Variants in MAPKAP1 observed in about 807,000 individuals in gnomAD.
MAPKAP1 encodes the protein target of rapamycin complex 2 subunit MAPKAP1.
MAPKAP1 carries 20 observed loss-of-function variants against 65.7 expected under a neutral mutation model. That is an observed-to-expected ratio of 0.30 (90% confidence interval 0.21 to 0.44). The LOEUF is 0.44. MAPKAP1 is among the 20% of genes least tolerant of loss of function. The pLI is 1.00. For missense variants in MAPKAP1, 423 were observed against 648.0 expected, an observed-to-expected ratio of 0.65 and a Z score of 3.77; for synonymous variants, 222 against 244.3, an observed-to-expected ratio of 0.91 and a Z score of 0.85.
intron 4 of MAPKAP1, 64 bp from the exon 5 acceptor site, chr9:125,585,791 C>G: frequency 2.0e-6 from 3 of 1,502,016 alleles, no homozygotes; most frequent in Non-Finnish European, 2.8e-6. Context: ...CCACTGCTCT[C>G]CAGGCCTGTG....
chr9:125,444,400 T>C, intron 11 of MAPKAP1, 101 bp downstream of exon 11: 2 of 914,518 alleles, frequency 2.2e-6, no homozygotes, highest in Non-Finnish European at 3.4e-6. Flanking sequence ...GGGAACCTTC[T>C]ATAGAGCTGC....
chr9:125,691,909 T>C (rs1486910204), intron 1 of MAPKAP1, among the ~76,000 whole-genome samples: 1 of 152,212 alleles, frequency 6.6e-6, no homozygotes. Context: ...AGAATGAACC[T>C]GGCTGAACAG....
chr9:125,543,528 G>A (rs543657790), intron 6 of MAPKAP1, among the ~76,000 whole-genome samples: 4 of 151,750 alleles, frequency 2.6e-5, no homozygotes, highest in Non-Finnish European at 5.9e-5. Context: ...TGCCCGCCTC[G>A]GCCTCCCAAA....
At chr9:125,568,342 T>G (rs1831123865) in intron 5 of MAPKAP1, among the ~76,000 whole-genome samples, 1 of 152,130 alleles carries the variant, frequency 6.6e-6, no homozygotes, top group Non-Finnish European at 1.5e-5. Flanking sequence ...TCGTGGGATA[T>G]GAGGAGTTTT....
At chr9:125,611,563 T>C (rs1488931466) in intron 4 of MAPKAP1, among the ~76,000 whole-genome samples, 1 of 152,146 alleles carries the variant, frequency 6.6e-6, no homozygotes, top group Non-Finnish European at 1.5e-5. Context: ...GACACTAATA[T>C]GCAGATTCAG....
chr9:125,654,278 G>C (rs1833970769), intron 4 of MAPKAP1, among the ~76,000 whole-genome samples: 1 of 152,168 alleles, frequency 6.6e-6, no homozygotes, highest in African/African-American at 2.4e-5. Context: ...CTCTAGAATA[G>C]AGGTTTTGTG....
At chr9:125,596,218 A>T in intron 4 of MAPKAP1, 1 of 766,996 alleles carries the variant, frequency 1.3e-6, no homozygotes, top group South Asian at 1.3e-5. Flanking sequence ...TCAAAGCAAG[A>T]GATGGCTAAT....
chr9:125,617,179 G>C (rs1832770505), intron 4 of MAPKAP1, among the ~76,000 whole-genome samples: 1 of 152,208 alleles, frequency 6.6e-6, no homozygotes, highest in African/African-American at 2.4e-5. Context: ...AATGTTTGTA[G>C]ATCGGGCACA....
intron 8 of MAPKAP1, among the ~76,000 whole-genome samples, chr9:125,500,676 G>C (rs1363445500): frequency 6.6e-6 from 1 of 152,150 alleles, no homozygotes; most frequent in Non-Finnish European, 1.5e-5. Context: ...GGGGAATTAG[G>C]GGATGGAAGA....
intron 7 of MAPKAP1, among the ~76,000 whole-genome samples, chr9:125,540,965 G>A (rs984863237): frequency 2.5e-4 from 38 of 152,136 alleles, no homozygotes; most frequent in Admixed American, 2.5e-3. Flanking sequence ...TACCAAACTG[G>A]AGATCCTTCT....
At chr9:125,485,812 G>C (rs1463294915) in intron 8 of MAPKAP1, among the ~76,000 whole-genome samples, 5 of 152,160 alleles carry the variant, frequency 3.3e-5, no homozygotes, top group Non-Finnish European at 7.3e-5. Context: ...TCCTAGCTCT[G>C]CCTCTAATTT....
At chr9:125,689,520 GCAGGT>G (rs1402481597) in intron 1 of MAPKAP1, among the ~76,000 whole-genome samples, 1 of 150,220 alleles carries the variant, frequency 6.7e-6, no homozygotes, top group Non-Finnish European at 1.5e-5. Flanking sequence ...GCTTAAGGAG[GCAGGT>G]CACCTGAGGT....
At chr9:125,551,068 G>A (rs1236807384) in intron 6 of MAPKAP1, among the ~76,000 whole-genome samples, 1 of 151,898 alleles carries the variant, frequency 6.6e-6, no homozygotes, top group Non-Finnish European at 1.5e-5. Flanking sequence ...GATGGGGTGT[G>A]GCCAATTTTA....
At chr9:125,515,080 T>G (rs940420346) in intron 7 of MAPKAP1, among the ~76,000 whole-genome samples, 4 of 152,060 alleles carry the variant, frequency 2.6e-5, no homozygotes, top group Non-Finnish European at 5.9e-5. Flanking sequence ...TCAGATTGGA[T>G]AGTTTGGAAT....
At chr9:125,650,176 C>A (rs1222672144) in intron 4 of MAPKAP1, among the ~76,000 whole-genome samples, 2 of 152,186 alleles carry the variant, frequency 1.3e-5, no homozygotes, top group African/African-American at 4.8e-5. Context: ...ACTCTCTCAC[C>A]CAGAGCACTG....
At chr9:125,484,319 T>C (rs1297090446) in intron 9 of MAPKAP1, 124 bp downstream of exon 9, 3 of 1,036,072 alleles carry the variant, frequency 2.9e-6, no homozygotes, top group Non-Finnish European at 4.0e-6. Context: ...GTTTAAACAT[T>C]TTCTCAGAAA....
chr9:125,472,519 T>A (rs1649722579), intron 9 of MAPKAP1, among the ~76,000 whole-genome samples: 1 of 152,258 alleles, frequency 6.6e-6, no homozygotes, highest in Non-Finnish European at 1.5e-5. Flanking sequence ...TTTCCTCGGC[T>A]AAAGTTTTTG....
intron 3 of MAPKAP1, among the ~76,000 whole-genome samples, chr9:125,659,289 C>T (rs1322074010): frequency 6.6e-6 from 1 of 152,162 alleles, no homozygotes; most frequent in Non-Finnish European, 1.5e-5. Context: ...TTACTACTAG[C>T]TCCATGAAGA....
intron 1 of MAPKAP1, among the ~76,000 whole-genome samples, chr9:125,693,480 T>C (rs1344257280): frequency 2.0e-5 from 3 of 148,334 alleles, no homozygotes; most frequent in African/African-American, 5.0e-5. Flanking sequence ...TACACACACA[T>C]ATACACATAT....
Sources: gnomAD v4.1 joint callset for allele counts (sites outside exome capture counted in the v4.1 genomes callset) on GRCh38, gnomAD v4.1.1 for gene constraint, MANE v1.5 for transcripts, NCBI Gene and HGNC (gene_info 2026-07-23, HGNC 2026-07-21) for gene names.